Variants in GNE observed in about 807,000 individuals in gnomAD.
The protein encoded by GNE is bifunctional UDP-N-acetylglucosamine 2-epimerase/N-acetylmannosamine kinase.
Under a neutral mutation model 61.8 loss-of-function variants are expected in GNE, and 41 were observed. That is an observed-to-expected ratio of 0.66 (90% CI 0.52 to 0.86). The LOEUF is 0.86. Ranked by LOEUF, GNE falls within the 40% of genes least tolerant of loss-of-function variation. The pLI is 0.00. For missense variants in GNE, 608 were observed against 909.1 expected (o/e 0.67, Z 4.26); for synonymous variants, 264 against 326.4 (o/e 0.81, Z 2.06).
upstream of GNE, among the ~76,000 whole-genome samples, chr9:36,258,923 G>C (rs1830515141): frequency 6.6e-6 from 1 of 152,190 alleles, no homozygotes; most frequent in Non-Finnish European, 1.5e-5. Flanking sequence ...AGTGTGAATT[G>C]ATGACCAAGG....
intron 1 of GNE, among the ~76,000 whole-genome samples, chr9:36,249,605 G>A (rs1174480414): frequency 6.6e-6 from 1 of 152,116 alleles, no homozygotes; most frequent in East Asian, 1.9e-4. Flanking sequence ...AAGGCTGGGA[G>A]TGGTGGCTTA....
intron 9 of GNE, among the ~76,000 whole-genome samples, chr9:36,222,397 C>T (rs568265418): frequency 2.7e-4 from 36 of 135,814 alleles, no homozygotes; most frequent in African/African-American, 7.8e-4. Flanking sequence ...CCAGCCTGGG[C>T]GACAGAGCGA....
At chr9:36,220,858 G>C (rs1563928846) in intron 9 of GNE, among the ~76,000 whole-genome samples, 1 of 152,228 alleles carries the variant, frequency 6.6e-6, no homozygotes, top group Non-Finnish European at 1.5e-5. Context: ...TTGTGCCTGA[G>C]AAGGCTCTGC....
At chr9:36,240,367 T>A (rs1469870202) in intron 3 of GNE, among the ~76,000 whole-genome samples, 1 of 152,240 alleles carries the variant, frequency 6.6e-6, no homozygotes, top group Non-Finnish European at 1.5e-5. Context: ...GTTTTAATCA[T>A]AAAGGGATGC....
At position 36,218,225 on chromosome 9, in the gene GNE, C is replaced by T. The variant is rs121908626; in HGVS notation, c.1891G>A (p.Ala631Thr). The T allele has an allele frequency of 3.1e-6, 5 of 1,613,930 alleles. No homozygotes were observed. The African/African-American group carries it at 5.3e-5, about 17-fold the overall frequency. The change falls in exon 11 of 12, where the codon GCG (alanine) becomes ACG (threonine). Residue 631 changes from alanine to threonine, a missense_variant. Coordinates refer to ENST00000642385, the MANE Select transcript of GNE (RefSeq NM_005476.7). This position sits in a 1 kb window ranked among gnomAD's most constrained non-coding sequence, Gnocchi z 4.1. The stretch of plus-strand genomic sequence containing the variant: ...TGGGCCTTCGCATTGCCAAGTTTCG[C>T]AGCTTGGATGAGATGGAGCGCACCC... ...AVGALHLIQA[A>T]KLGNAKAQSI...
rs1828255273 is a variant in GNE at position 36,216,003 on chromosome 9, G to A, written c.*1362C>T. ...TTCTCAGCTGTCCTAAGAAGATAAG[G>A]ACAAGGTCACTAAGGCCACTGTAAT... On this transcript the variant is annotated 3_prime_UTR_variant, in exon 12 of 12. Transcript: ENST00000642385. The A allele has an allele frequency of 6.9e-6, 2 of 290,928 alleles. No homozygotes were observed. The highest frequency in any genetic ancestry group is 1.4e-5 in the Non-Finnish European group (2 of 144,688). The allele number at this position is 290,928 out of a possible 1,614,324, so 18.0% of individuals were successfully genotyped here.
chr9:36,254,233 A>AAATAAAT (rs1361168544), intron 1 of GNE, among the ~76,000 whole-genome samples: 4 of 98,000 alleles, frequency 4.1e-5, no homozygotes, highest in African/African-American at 1.7e-4. Flanking sequence ...AATAAATAAA[A>AAATAAAT]ACAAGAAATC....
At chr9:36,274,935 A>T (rs894414259) in intron 1 of GNE, among the ~76,000 whole-genome samples, 2 of 152,180 alleles carry the variant, frequency 1.3e-5, no homozygotes, top group African/African-American at 4.8e-5. Flanking sequence ...TGTGTTAGCC[A>T]GGATGGTCTT....
intron 1 of GNE, among the ~76,000 whole-genome samples, chr9:36,257,765 T>G (rs915636993): frequency 6.1e-5 from 7 of 114,662 alleles, no homozygotes; most frequent in Non-Finnish European, 9.7e-5. Context: ...ATCGCGCCAC[T>G]GCACTCCAGC....
chr9:36,252,844 T>C (rs1204839753), intron 1 of GNE, among the ~76,000 whole-genome samples: 2 of 152,168 alleles, frequency 1.3e-5, no homozygotes, highest in Non-Finnish European at 2.9e-5. Flanking sequence ...ACTGGTTTCC[T>C]ATCTGTCCTT....
At chr9:36,236,690 T>G in intron 4 of GNE, 142 bp downstream of exon 4, 1 of 770,388 alleles carries the variant, frequency 1.3e-6, no homozygotes, top group Admixed American at 2.1e-5. Context: ...AAATTGGTAA[T>G]CCTTTGAAAA....
At chr9:36,243,868 G>T (rs1829750417) in intron 3 of GNE, among the ~76,000 whole-genome samples, 2 of 151,790 alleles carry the variant, frequency 1.3e-5, no homozygotes, top group South Asian at 4.2e-4. Flanking sequence ...CTTTCCTGAT[G>T]TAATGTAATC....
upstream of GNE, among the ~76,000 whole-genome samples, chr9:36,261,702 C>T (rs1041606130): frequency 1.3e-5 from 2 of 151,774 alleles, no homozygotes; most frequent in Non-Finnish European, 2.9e-5. Flanking sequence ...GGGTGGATCA[C>T]GAGGTCAGGA....
chr9:36,241,755 T>C (rs572005787), intron 3 of GNE, among the ~76,000 whole-genome samples: 25 of 152,300 alleles, frequency 1.6e-4, no homozygotes, highest in Admixed American at 1.6e-3. Flanking sequence ...AAGATTGTTA[T>C]ATATTAACAC....
intron 2 of GNE, 77 bp from the exon 3 acceptor site, chr9:36,246,559 A>C (rs1829883594): frequency 2.2e-6 from 2 of 895,288 alleles, no homozygotes; most frequent in Non-Finnish European, 3.7e-6. Flanking sequence ...AAGCAATCTA[A>C]CACCAACTCT....
At chr9:36,246,579 A>T (rs1829884541) in intron 2 of GNE, 97 bp from the exon 3 acceptor site, 1 of 752,598 alleles carries the variant, frequency 1.3e-6, no homozygotes, top group Admixed American at 2.3e-5. Context: ...TGAAGTGAGA[A>T]ACATTAAAAT....
chr9:36,261,004 G>T (rs1830599314), upstream of GNE, among the ~76,000 whole-genome samples: 1 of 151,784 alleles, frequency 6.6e-6, no homozygotes, highest in Non-Finnish European at 1.5e-5. Flanking sequence ...ACTGGAGGCT[G>T]CCAGGGAGAA....
intron 3 of GNE, 58 bp downstream of exon 3, chr9:36,245,973 G>GACGGA (rs1405163451): frequency 7.7e-5 from 102 of 1,320,578 alleles, no homozygotes; most frequent in Non-Finnish European, 1.0e-4. Flanking sequence ...GATTGAAATA[G>GACGGA]ACGGAACATT....
At position 36,257,629 on chromosome 9, in the gene GNE, C is replaced by T. The variant is rs562768104; in HGVS notation, c.-43+692G>A. The stretch of plus-strand genomic sequence containing the variant: ...CCATCCTGGCTAACATGGTGAAACC[C>T]CGTCTCTACTAAAAATACAAAAAAT... On this transcript the variant is annotated intron_variant, in intron 1 of 11. Coordinates refer to ENST00000642385, the MANE Select transcript of GNE (RefSeq NM_005476.7). Among the ~76,000 whole-genome samples the T allele has an allele frequency of 7.0e-3, 1,060 of 150,962 alleles. 6 individuals are homozygous for T. The highest frequency in any genetic ancestry group is 0.013 in the Admixed American group (191 of 15,110).
Sources: gnomAD v4.1 joint callset for allele counts (sites outside exome capture counted in the v4.1 genomes callset) on GRCh38, gnomAD v4.1.1 for gene constraint, Gnocchi (gnomAD v3.1) non-coding constraint, MANE v1.5 for transcripts, NCBI Gene and HGNC (gene_info 2026-07-23, HGNC 2026-07-21) for gene names.